PTPN5: variants seen among roughly 807,000 people sequenced by gnomAD.
PTPN5 encodes the protein protein tyrosine phosphatase non-receptor type 5.
PTPN5 carries 29 observed loss-of-function variants against 73.9 expected under a neutral mutation model. The observed-to-expected ratio is 0.39, with a 90% CI of 0.29 to 0.54. PTPN5 has a LOEUF of 0.54. Among genes scored for constraint, PTPN5 ranks in the 20% least tolerant of loss-of-function variants. PTPN5 has a pLI of 0.65. For missense variants in PTPN5, 652 were observed against 751.4 expected (o/e 0.87, Z 1.55); for synonymous variants, 267 against 304.7 (o/e 0.88, Z 1.29).
chr11:18,756,933 A>AC (rs1379704330), intron 3 of PTPN5, among the ~76,000 whole-genome samples: 1,342 of 125,962 alleles, frequency 0.011, 27 homozygotes, highest in Admixed American at 0.045. Context: ...AAAAAAAAAA[A>AC]AAACCAAAAA....
chr11:18,790,646 C>A (rs1489091687), intron 1 of PTPN5, among the ~76,000 whole-genome samples: 1 of 152,118 alleles, frequency 6.6e-6, no homozygotes, highest in Admixed American at 6.5e-5. Context: ...ATGGCACCTG[C>A]CCCTCCAAGT....
chr11:18,733,518 C>T lies in PTPN5; in HGVS notation c.1080+38G>A. 1 of 1,612,938 alleles carries T rather than the reference C, an allele frequency of 6.2e-7. No homozygotes were observed. The highest frequency in any genetic ancestry group is 8.5e-7 in the Non-Finnish European group (1 of 1,178,970). ...GGATGGATCCCATCGACTCAGGCCT[C>T]CCCTTGAGCAAGAGGCCGTCAGGGT... On this transcript the variant is annotated intron_variant, in intron 10 of 14. Transcript: ENST00000358540. The surrounding 1 kb of genome is among the most constrained non-coding windows in gnomAD (Gnocchi z 4.3).
intron 1 of PTPN5, among the ~76,000 whole-genome samples, chr11:18,778,757 C>T (rs1342863971): frequency 6.6e-6 from 1 of 152,172 alleles, no homozygotes; most frequent in East Asian, 1.9e-4. Flanking sequence ...AACCTCTTTT[C>T]TTTATAAATT....
At chr11:18,769,295 T>G (rs1850771007) in intron 2 of PTPN5, among the ~76,000 whole-genome samples, 1 of 152,094 alleles carries the variant, frequency 6.6e-6, no homozygotes, top group East Asian at 1.9e-4. Flanking sequence ...CTTTAATTGA[T>G]GTATGCATGT....
intron 3 of PTPN5, among the ~76,000 whole-genome samples, chr11:18,759,272 T>G (rs866560255): frequency 1.8e-4 from 28 of 152,378 alleles, no homozygotes; most frequent in African/African-American, 5.5e-4. Context: ...ATAAGCACTT[T>G]ACGTCCATGA....
chr11:18,733,721 ACTT>A lies in PTPN5; in HGVS notation c.1001-89_1001-87del, dbSNP rs555263193. 6.8e-3 allele frequency: 7,817 copies of A among 1,155,050 alleles called. 43 individuals are homozygous for A. The highest frequency in any genetic ancestry group is 9.4e-3 in the Non-Finnish European group (7,212 of 766,856). The allele number at this position is 1,155,050 out of a possible 1,614,324, so 71.6% of individuals were successfully genotyped here. ...CTCTGGCCTATTCCAGCATACCCACACTTCTTCTGCGACATTAGCAGTTCTTCC... is the reference window on the plus strand; with the variant it reads ...CTCTGGCCTATTCCAGCATACCCACACTTCTGCGACATTAGCAGTTCTTCC... On this transcript the variant is annotated intron_variant, in intron 9 of 14. Coordinates refer to ENST00000358540, the MANE Select transcript of PTPN5 (RefSeq NM_006906.2). The surrounding 1 kb of genome is among the most constrained non-coding windows in gnomAD (Gnocchi z 4.3).
intron 3 of PTPN5, chr11:18,749,368 C>A (rs542176285): frequency 3.9e-6 from 2 of 518,478 alleles, no homozygotes; most frequent in South Asian, 2.8e-5. Flanking sequence ...AAGTGCAGAC[C>A]TGAGATTCAA....
intron 9 of PTPN5, among the ~76,000 whole-genome samples, chr11:18,737,091 G>A (rs941302898): frequency 2.6e-5 from 4 of 152,222 alleles, no homozygotes; most frequent in African/African-American, 9.7e-5. Context: ...CAAACTGAAT[G>A]GAGTAGGTTT....
chr11:18,766,501 T>A (rs1392527105), intron 2 of PTPN5, among the ~76,000 whole-genome samples: 2 of 152,190 alleles, frequency 1.3e-5, no homozygotes, highest in South Asian at 2.1e-4. Flanking sequence ...TTCTCCAGAA[T>A]AGCTAGAAAA....
intron 9 of PTPN5, among the ~76,000 whole-genome samples, chr11:18,734,588 C>A (rs977528568): frequency 6.6e-6 from 1 of 152,182 alleles, no homozygotes; most frequent in Non-Finnish European, 1.5e-5. Flanking sequence ...CCTACCTCGG[C>A]CTCTCAATGT....
chr11:18,774,030 C>T (rs1851031830), intron 1 of PTPN5, among the ~76,000 whole-genome samples: 1 of 152,226 alleles, frequency 6.6e-6, no homozygotes, highest in South Asian at 2.1e-4. Context: ...AGACTTTAAG[C>T]TCCAGCTTAA....
chr11:18,745,238 C>T (rs1178153508), intron 3 of PTPN5, among the ~76,000 whole-genome samples: 1 of 152,180 alleles, frequency 6.6e-6, no homozygotes, highest in African/African-American at 2.4e-5. Context: ...GGGCTGTCTA[C>T]ATATCATGCT....
chr11:18,765,864 C>T lies in PTPN5; in HGVS notation c.40G>A (p.Ala14Thr), dbSNP rs780171505. Residue 14 changes from alanine to threonine, a missense_variant, in exon 3 of 15, where the codon GCT becomes ACT. Physicochemically the swap from Ala to Thr is moderately conservative, Grantham distance 58. This residue lies in a region of PTPN5 where 529 missense variants were observed against 573.9 expected (regional missense o/e 0.92). Coordinates refer to ENST00000358540, the MANE Select transcript of PTPN5 (RefSeq NM_006906.2). ...GCCCCTCCCTCGGAGTCATCAGCAGCGTGGTTCTCTCTCTCACTCCTGCAG... is the reference window on the plus strand; with the variant it reads ...GCCCCTCCCTCGGAGTCATCAGCAGTGTGGTTCTCTCTCTCACTCCTGCAG... Reference protein sequence around the residue: ...EGARSERENHAADDSEGGALD... With the variant: ...EGARSERENHTADDSEGGALD... 23 of 1,579,584 alleles carry T rather than the reference C, an allele frequency of 1.5e-5. No homozygotes were observed. In the Middle Eastern group the frequency reaches 5.0e-4, roughly 34 times the overall value.
chr11:18,733,138 G>C lies in PTPN5; in HGVS notation c.1218+97C>G. ...TCTTGGCAGCGGAGTGAACACCGCC[G>C]ACCTCTTGAGATTGTCATAAAGATT... On this transcript the variant is annotated intron_variant, in intron 11 of 14. Coordinates refer to ENST00000358540, the MANE Select transcript of PTPN5 (RefSeq NM_006906.2). This position sits in a 1 kb window ranked among gnomAD's most constrained non-coding sequence, Gnocchi z 4.3. 1 of 1,521,194 alleles carries C rather than the reference G, an allele frequency of 6.6e-7. No individual in the cohort carries two copies. Among genetic ancestry groups the C allele is most frequent in the Admixed American group, 1.8e-5 (1 of 56,142 alleles). The allele number at this position is 1,521,194 out of a possible 1,614,324, so 94.2% of individuals were successfully genotyped here.
intron 1 of PTPN5, among the ~76,000 whole-genome samples, chr11:18,784,241 C>T (rs1408281217): frequency 6.6e-6 from 1 of 152,192 alleles, no homozygotes; most frequent in Non-Finnish European, 1.5e-5. Context: ...CCGTATTATT[C>T]ACAATAGCCA....
chr11:18,765,684 A>T, intron 3 of PTPN5, 123 bp downstream of exon 3: 1 of 716,882 alleles, frequency 1.4e-6, no homozygotes. Flanking sequence ...GCTATGGAGC[A>T]GCTGCATGGA....
intron 1 of PTPN5, among the ~76,000 whole-genome samples, chr11:18,785,535 ATT>A (rs951077833): frequency 2.0e-5 from 3 of 152,212 alleles, no homozygotes; most frequent in Non-Finnish European, 4.4e-5. Context: ...GAGTATGGTT[ATT>A]TTCACAACTG....
chr11:18,789,196 T>A (rs768743717), intron 1 of PTPN5, among the ~76,000 whole-genome samples: 1 of 152,162 alleles, frequency 6.6e-6, no homozygotes, highest in African/African-American at 2.4e-5. Flanking sequence ...AGCTACCAAT[T>A]CCTGAGCATT....
In PTPN5 at chr11:18,737,956, G is replaced by C; in HGVS notation, c.924C>G (p.Pro308=). 1 of 1,614,124 alleles carries C rather than the reference G, an allele frequency of 6.2e-7. No homozygotes were observed. Among genetic ancestry groups the C allele is most frequent in the South Asian group, 1.1e-5 (1 of 91,090 alleles). ...FLLQAEFFEI[P]MNFVDPKEYD... ...ACTCTTTCGGATCCACAAAGTTCAT[G>C]GGGATTTCCTGTGGAAGGAGGACAC... Residue 308 remains proline, a synonymous_variant, in exon 9 of 15, where the codon CCC becomes CCG. Transcript: ENST00000358540.
Sources: gnomAD v4.1 joint callset for allele counts (sites outside exome capture counted in the v4.1 genomes callset) on GRCh38, gnomAD v4.1.1 for gene constraint, gnomAD v4.1.1 regional missense constraint, Gnocchi (gnomAD v3.1) non-coding constraint, MANE v1.5 for transcripts, NCBI Gene and HGNC (gene_info 2026-07-23, HGNC 2026-07-21) for gene names.